The following POLQ variants were observed in gnomAD, a reference collection of about 807,000 sequenced individuals.
The protein encoded by POLQ is DNA polymerase theta, also known as epididymis secretory sperm binding protein.
Under a neutral mutation model 259.2 loss-of-function variants are expected in POLQ, and 233 were observed. The ratio of observed to expected loss-of-function variants is 0.90; its 90% CI spans 0.81 to 1.00. POLQ has a LOEUF of 1.00. POLQ is among the 50% of genes least tolerant of loss of function. The pLI is 0.00. For synonymous variants in POLQ, 1,025 were observed against 1,048.8 expected, an observed-to-expected ratio of 0.98 and a Z score of 0.44; for missense variants, 2,871 against 3,051.6, an observed-to-expected ratio of 0.94 and a Z score of 1.39.
At chr3:121,434,547 A>C (rs1024022846) in intron 28 of POLQ, among the ~76,000 whole-genome samples, 1 of 152,222 alleles carries the variant, frequency 6.6e-6, no homozygotes, top group African/African-American at 2.4e-5. Flanking sequence ...ATAAATGTGT[A>C]TGTGTGTGTA....
intron 13 of POLQ, 60 bp downstream of exon 13, chr3:121,498,417 G>A (rs553918171): frequency 3.4e-5 from 39 of 1,153,408 alleles, no homozygotes; most frequent in African/African-American, 1.7e-4. Flanking sequence ...TAAACTGGGC[G>A]TCTACTACAT....
intron 28 of POLQ, 148 bp from the exon 29 acceptor site, chr3:121,433,181 G>A: frequency 1.6e-6 from 1 of 616,734 alleles, no homozygotes; most frequent in Non-Finnish European, 2.9e-6. Flanking sequence ...ACTACTTGCT[G>A]GTCGCTACCT....
chr3:121,496,981 A>T, intron 13 of POLQ, 49 bp from the exon 14 acceptor site: 1 of 1,593,062 alleles, frequency 6.3e-7, no homozygotes, highest in East Asian at 2.2e-5. Flanking sequence ...CACGTCTACT[A>T]GGCGATACAG....
In POLQ at chr3:121,431,608, A is replaced by G. The variant is rs1219649311; in HGVS notation, c.*696T>C. ...TCTGGCAGTATTATATTGACCTGCA[A>G]TAAAAACATCTGATCTTACAGAACA... On this transcript the variant is annotated 3_prime_UTR_variant, in exon 30 of 30. Coordinates refer to ENST00000264233, the MANE Select transcript of POLQ (RefSeq NM_199420.4). The G allele has an allele frequency of 6.6e-6, 1 of 152,640 alleles. No homozygotes were observed. Among genetic ancestry groups the G allele is most frequent in the African/African-American group, 2.4e-5 (1 of 41,448 alleles). The allele number at this position is 152,640 out of a possible 1,614,324, so 9.5% of individuals were successfully genotyped here. A position where few individuals can be genotyped will look rare whatever the true frequency, so the allele number is the denominator to read the frequency against.
intron 7 of POLQ, among the ~76,000 whole-genome samples, chr3:121,527,706 A>AT (rs566034015): frequency 2.0e-4 from 30 of 152,266 alleles, no homozygotes; most frequent in African/African-American, 7.0e-4. Flanking sequence ...AAGCAATTCA[A>AT]TTTTTTCTTA....
At position 121,482,104 on chromosome 3, in the gene POLQ, A is replaced by C. The variant is rs889621298; in HGVS notation, c.5971-292T>G. ...GCTTGAAAAACAAGTGTGTCTCAGC[A>C]AACTCAAACCATGTGTCTGAAAATG... On this transcript the variant is annotated intron_variant, in intron 18 of 29. Transcript: ENST00000264233. Among the ~76,000 whole-genome samples, 4 of 152,218 alleles carry C rather than the reference A, an allele frequency of 2.6e-5. No homozygotes were observed. In the East Asian group the frequency reaches 7.7e-4, roughly 29 times the overall value.
At chr3:121,516,560 C>T (rs1393806034) in intron 9 of POLQ, among the ~76,000 whole-genome samples, 1 of 152,180 alleles carries the variant, frequency 6.6e-6, no homozygotes. Flanking sequence ...GACTCATCCA[C>T]ATCACAAGAG....
chr3:121,498,868 T>G (rs1299932831), intron 12 of POLQ, among the ~76,000 whole-genome samples, 198 bp from the exon 13 acceptor site: 1 of 152,136 alleles, frequency 6.6e-6, no homozygotes, highest in African/African-American at 2.4e-5. Flanking sequence ...GCCACTGCAC[T>G]CTAGCTCAAC....
rs780903592 is a variant in POLQ, at chr3:121,488,135, T to A, written c.4796A>T (p.Asp1599Val). Residue 1599 changes from aspartate (D) to valine (V), a missense_variant, in exon 16 of 30, where the codon GAT (aspartate) becomes GTT (valine). This residue lies in a region of POLQ where 2,080 missense variants were observed against 2,126.0 expected (regional missense o/e 0.98). Coordinates refer to ENST00000264233, the MANE Select transcript of POLQ (RefSeq NM_199420.4). Reference protein sequence around the residue: ...RALELSDPVLDEHHQGDQDGG... With the variant: ...RALELSDPVLVEHHQGDQDGG... ...ATCTTGATCACCTTGGTGGTGCTCATCAAGTACTGGATCACTTAGTTCTAA... is the reference window on the plus strand; with the variant it reads ...ATCTTGATCACCTTGGTGGTGCTCAACAAGTACTGGATCACTTAGTTCTAA... The A allele has an allele frequency of 6.2e-7, 1 of 1,612,912 alleles. No homozygotes were observed. The highest frequency in any genetic ancestry group is 1.1e-5 in the South Asian group (1 of 90,908).
intron 2 of POLQ, among the ~76,000 whole-genome samples, chr3:121,543,197 T>A (rs1031470493): frequency 3.9e-5 from 6 of 152,100 alleles, no homozygotes; most frequent in African/African-American, 1.4e-4. Flanking sequence ...GTGACCAGAG[T>A]TCTGAATGAT....
intron 25 of POLQ, among the ~76,000 whole-genome samples, chr3:121,452,664 T>C (rs1167468649): frequency 6.6e-6 from 1 of 151,724 alleles, no homozygotes; most frequent in Non-Finnish European, 1.5e-5. Flanking sequence ...CGGATAAGTG[T>C]GTTGGATAGG....
At chr3:121,544,410 G>A (rs2048513529) in intron 2 of POLQ, among the ~76,000 whole-genome samples, 1 of 152,078 alleles carries the variant, frequency 6.6e-6, no homozygotes, top group South Asian at 2.1e-4. Context: ...AAAGCAACCA[G>A]GATCAAACAG....
Position 121,489,419 on chromosome 3 carries a change from A to G in POLQ, c.3512T>C (p.Val1171Ala). The G allele has an allele frequency of 6.2e-7, 1 of 1,613,970 alleles. No individual in the cohort carries two copies. The highest frequency in any genetic ancestry group is 1.1e-5 in the South Asian group (1 of 91,042). ...GTTTTTTGAACCATTTTGTATCAGC[A>G]CTTCATTTATTTTTTCTGCCTCAAC... ...VAVEAEKINE[V>A]LIQNGSKNQN... is the part of the protein sequence containing the mutation. The change falls in exon 16 of 30, where the codon GTG becomes GCG. Residue 1171 changes from valine (V) to alanine (A), a missense_variant. Physicochemically the swap from Val to Ala is moderately conservative, Grantham distance 64. This residue lies in a region of POLQ where 2,080 missense variants were observed against 2,126.0 expected (regional missense o/e 0.98). Coordinates refer to ENST00000264233, the MANE Select transcript of POLQ (RefSeq NM_199420.4).
intron 12 of POLQ, among the ~76,000 whole-genome samples, chr3:121,500,112 C>G (rs1031396013): frequency 6.6e-6 from 1 of 151,908 alleles, no homozygotes; most frequent in African/African-American, 2.4e-5. Flanking sequence ...GAAACACTGT[C>G]TCTACAAAAA....
At chr3:121,499,419 A>G (rs2108803066) in intron 12 of POLQ, among the ~76,000 whole-genome samples, 1 of 152,140 alleles carries the variant, frequency 6.6e-6, no homozygotes, top group Non-Finnish European at 1.5e-5. Flanking sequence ...ACGTCTGCCT[A>G]ATTTTTAAAT....
At position 121,488,544 on chromosome 3, in the gene POLQ, G is replaced by A; in HGVS notation, c.4387C>T (p.Pro1463Ser). The A allele has an allele frequency of 6.2e-7, 1 of 1,611,386 alleles. No individual in the cohort carries two copies. Among genetic ancestry groups the A allele is most frequent in the Non-Finnish European group, 8.5e-7 (1 of 1,179,220 alleles). The change falls in exon 16 of 30, where the codon CCT becomes TCT. Residue 1463 changes from proline (P) to serine (S), a missense_variant. By Grantham distance (74) the Pro-to-Ser change is moderately conservative. This residue lies in a region of POLQ where 2,080 missense variants were observed against 2,126.0 expected (regional missense o/e 0.98). Coordinates refer to ENST00000264233, the MANE Select transcript of POLQ (RefSeq NM_199420.4). Reference sequence around the variant, plus strand: ...ACACCAGTGGGAGTTCTCTTTTGAGGAATCAGAAGTATAACTGGTTTCACA... The same window carrying A: ...ACACCAGTGGGAGTTCTCTTTTGAGAAATCAGAAGTATAACTGGTTTCACA... ...ETVKPVILLI[P>S]QKRTPTGVEG...
intron 27 of POLQ, among the ~76,000 whole-genome samples, chr3:121,439,217 T>C (rs2047568046): frequency 7.1e-6 from 1 of 139,902 alleles, no homozygotes. Flanking sequence ...TAATCTCTGA[T>C]GAGATAGTGC....
intron 25 of POLQ, 67 bp from the exon 26 acceptor site, chr3:121,449,493 G>A (rs1320459983): frequency 1.1e-6 from 1 of 885,216 alleles, no homozygotes; most frequent in Non-Finnish European, 1.9e-6. Context: ...GGGTTCATTA[G>A]GATGCGAATT....
intron 9 of POLQ, among the ~76,000 whole-genome samples, chr3:121,514,021 T>TA (rs2048276148): frequency 3.2e-5 from 2 of 61,904 alleles, no homozygotes; most frequent in African/African-American, 6.9e-5. Flanking sequence ...AAACTCCATC[T>TA]CAAAAAAAAA....
Sources: allele counts gnomAD v4.1 joint callset (sites outside exome capture counted in the v4.1 genomes callset), GRCh38; gene constraint gnomAD v4.1.1; regional missense constraint gnomAD v4.1.1; transcripts MANE v1.5; gene names NCBI Gene and HGNC (gene_info 2026-07-23, HGNC 2026-07-21).